The following PTPRD variants were observed in gnomAD, a reference collection of about 807,000 sequenced individuals.
The protein encoded by PTPRD is receptor-type tyrosine-protein phosphatase delta.
A neutral mutation model predicts 214.5 loss-of-function variants in PTPRD; 34 were observed. The observed-to-expected ratio is 0.16, with a 90% confidence interval of 0.12 to 0.21. The LOEUF (loss-of-function observed/expected upper bound fraction) is 0.21. PTPRD is among the 10% of genes least tolerant of loss of function. The probability of loss-of-function intolerance (pLI) is 1.00; values close to 1 mark genes in which losing one functional copy is unlikely to be tolerated. For missense variants in PTPRD, 2,545 were observed against 2,398.7 expected, an observed-to-expected ratio of 1.06 and a Z score of -1.27; for synonymous variants, 1,128 against 845.7, an observed-to-expected ratio of 1.33 and a Z score of -5.79.
intron 4 of PTPRD, among the ~76,000 whole-genome samples, chr9:9,977,658 A>G (rs961267598): frequency 9.9e-5 from 15 of 152,176 alleles, no homozygotes; most frequent in African/African-American, 3.1e-4. Flanking sequence ...TGACGAGGAC[A>G]TATCAATTCG....
intron 4 of PTPRD, among the ~76,000 whole-genome samples, chr9:9,974,758 A>G (rs1332362262): frequency 6.6e-6 from 1 of 152,082 alleles, no homozygotes; most frequent in Non-Finnish European, 1.5e-5. Context: ...TGGGTCTTAC[A>G]CCTTTAACTT....
chr9:8,408,979 A>C lies in PTPRD; in HGVS notation c.4087-4319T>G, dbSNP rs78389188. Among the ~76,000 whole-genome samples the C allele has an allele frequency of 5.4e-3, 824 of 152,332 alleles. 4 individuals are homozygous for C. Among genetic ancestry groups the C allele is most frequent in the Non-Finnish European group, 9.1e-3 (620 of 68,034 alleles). Reference sequence around the variant, plus strand: ...TTTAACTTGATGGTCTGAAAGTTCTAATCCTTTTTATTTGATCAACTAGAA... The same window carrying C: ...TTTAACTTGATGGTCTGAAAGTTCTCATCCTTTTTATTTGATCAACTAGAA... On this transcript the variant is annotated intron_variant, in intron 35 of 45. Transcript: ENST00000381196.
In PTPRD at chr9:8,912,100, T is replaced by C. The variant is rs376989459; in HGVS notation, c.-104+106597A>G. ...CACTTCAGAAAAACATTTTGACAAT[T>C]CTGTAAAATGTTAAACATAGATTTG... On this transcript the variant is annotated intron_variant, in intron 11 of 45. Coordinates refer to ENST00000381196, the MANE Select transcript of PTPRD (RefSeq NM_002839.4). Among the ~76,000 whole-genome samples, 59 of 152,258 alleles carry C rather than the reference T, an allele frequency of 3.9e-4. 1 individual carries two copies. The highest frequency in any genetic ancestry group is 1.3e-3 in the African/African-American group (56 of 41,546).
rs1408563771 is a variant in PTPRD at position 10,523,373 on chromosome 9, T to C, written c.-600+89025A>G. Among the ~76,000 whole-genome samples, 4 of 151,728 alleles carry C rather than the reference T, an allele frequency of 2.6e-5. No homozygotes were observed. The South Asian group carries it at 8.3e-4, about 32-fold the overall frequency. ...CATGCCTTGATATATTAGGTGTCTA[T>C]GACAAAGCAACTGTCCCAAGCAACA... On this transcript the variant is annotated intron_variant, in intron 2 of 45. Coordinates refer to ENST00000381196, the MANE Select transcript of PTPRD (RefSeq NM_002839.4).
chr9:9,603,037 C>A (rs10977863), intron 7 of PTPRD, among the ~76,000 whole-genome samples: 1 of 151,858 alleles, frequency 6.6e-6, no homozygotes, highest in South Asian at 2.1e-4. Flanking sequence ...AAGACTAGTT[C>A]CCTTAAAAAG....
chr9:10,568,931 T>C (rs1262306698), intron 2 of PTPRD, among the ~76,000 whole-genome samples: 1 of 152,032 alleles, frequency 6.6e-6, no homozygotes, highest in Admixed American at 6.6e-5. Flanking sequence ...TGGGATCTAA[T>C]TAAACTAAAG....
At chr9:9,066,377 G>T (rs185558389) in intron 10 of PTPRD, among the ~76,000 whole-genome samples, 1 of 151,562 alleles carries the variant, frequency 6.6e-6, no homozygotes, top group Non-Finnish European at 1.5e-5. Flanking sequence ...ATCTTTTCTT[G>T]TGTTCATTTT....
At chr9:9,978,884 G>T (rs568459711) in intron 4 of PTPRD, among the ~76,000 whole-genome samples, 3 of 151,730 alleles carry the variant, frequency 2.0e-5, no homozygotes, top group Admixed American at 6.6e-5. Context: ...AGAGAAAAAA[G>T]AAAAGTCGAC....
intron 9 of PTPRD, among the ~76,000 whole-genome samples, chr9:9,251,658 C>T (rs115204342): frequency 0.013 from 1,925 of 152,070 alleles, 42 homozygotes; most frequent in African/African-American, 0.045. Flanking sequence ...CCACACAAGG[C>T]TGAGAGTTCT....
intron 14 of PTPRD, among the ~76,000 whole-genome samples, chr9:8,533,605 C>A (rs2076239049): frequency 2.0e-5 from 3 of 151,816 alleles, no homozygotes; most frequent in Non-Finnish European, 4.4e-5. Flanking sequence ...GCATTCATCC[C>A]CTGGAATTAC....
At chr9:9,153,126 C>A (rs933725113) in intron 10 of PTPRD, among the ~76,000 whole-genome samples, 1 of 152,110 alleles carries the variant, frequency 6.6e-6, no homozygotes, top group Non-Finnish European at 1.5e-5. Context: ...TGTGCGTTCA[C>A]GAAATGTGAA....
intron 3 of PTPRD, among the ~76,000 whole-genome samples, chr9:10,335,105 A>G (rs1490594725): frequency 6.6e-6 from 1 of 151,804 alleles, no homozygotes; most frequent in African/African-American, 2.4e-5. Flanking sequence ...GCTAACATGT[A>G]GAAGCAAAAA....
At chr9:9,425,047 T>G (rs1411459468) in intron 8 of PTPRD, among the ~76,000 whole-genome samples, 1 of 152,202 alleles carries the variant, frequency 6.6e-6, no homozygotes, top group African/African-American at 2.4e-5. Flanking sequence ...ACCAAGGTCT[T>G]GCACTGCTGT....
chr9:8,766,493 A>C (rs1193164054), intron 11 of PTPRD, among the ~76,000 whole-genome samples: 2 of 152,198 alleles, frequency 1.3e-5, no homozygotes, highest in Non-Finnish European at 2.9e-5. Context: ...AAAATGAACA[A>C]ATGAATGATT....
chr9:9,395,592 G>C (rs1314102722), intron 9 of PTPRD, among the ~76,000 whole-genome samples: 2 of 152,008 alleles, frequency 1.3e-5, no homozygotes, highest in Non-Finnish European at 2.9e-5. Flanking sequence ...AGATTTCCTT[G>C]TACCAGTGGA....
At chr9:8,942,376 G>A (rs1447539145) in intron 11 of PTPRD, among the ~76,000 whole-genome samples, 2 of 152,118 alleles carry the variant, frequency 1.3e-5, no homozygotes, top group East Asian at 1.9e-4. Context: ...TACGTGATGA[G>A]GTGTACTGTT....
At chr9:9,294,046 T>G (rs1952144074) in intron 9 of PTPRD, among the ~76,000 whole-genome samples, 1 of 151,612 alleles carries the variant, frequency 6.6e-6, no homozygotes, top group Non-Finnish European at 1.5e-5. Flanking sequence ...ACTGCCACAG[T>G]TGACCTGATA....
intron 2 of PTPRD, among the ~76,000 whole-genome samples, chr9:10,430,570 T>C (rs1427182116): frequency 1.3e-5 from 2 of 151,958 alleles, no homozygotes; most frequent in Non-Finnish European, 2.9e-5. Context: ...AATGCTAATA[T>C]TTTGATTTAG....
chr9:9,828,410 C>T (rs2053692849), intron 5 of PTPRD, among the ~76,000 whole-genome samples: 2 of 152,004 alleles, frequency 1.3e-5, no homozygotes, highest in South Asian at 4.2e-4. Flanking sequence ...GACAAAAAAC[C>T]AAACACTGCA....
Sources: allele counts gnomAD v4.1 joint callset (sites outside exome capture counted in the v4.1 genomes callset), GRCh38; gene constraint gnomAD v4.1.1; transcripts MANE v1.5; gene names NCBI Gene and HGNC (gene_info 2026-07-23, HGNC 2026-07-21).